Variants in HUNK observed in about 807,000 individuals in gnomAD.
The protein encoded by HUNK is hormonally up-regulated neu tumor-associated kinase.
In HUNK, 21 loss-of-function variants were observed where a neutral mutation model predicts 61.0. The ratio of observed to expected loss-of-function variants is 0.34; its 90% CI spans 0.24 to 0.50. HUNK has a LOEUF of 0.50. HUNK is among the 20% of genes least tolerant of loss of function. The probability of loss-of-function intolerance (pLI) is 0.98; values close to 1 mark genes in which losing one functional copy is unlikely to be tolerated. For missense variants in HUNK, 772 were observed against 945.7 expected (o/e 0.82, Z 2.41); for synonymous variants, 371 against 386.1 (o/e 0.96, Z 0.46).
chr21:31,928,263 A>AG (rs1433904054), intron 2 of HUNK, among the ~76,000 whole-genome samples: 4 of 152,194 alleles, frequency 2.6e-5, no homozygotes. Flanking sequence ...TGTCAAAAAG[A>AG]GGATGAGCAC....
chr21:31,948,399 G>A (rs554502487), intron 4 of HUNK, among the ~76,000 whole-genome samples: 1 of 152,276 alleles, frequency 6.6e-6, no homozygotes, highest in East Asian at 1.9e-4. Context: ...GGTTCCTCTG[G>A]GCAGCCCTCT....
intron 1 of HUNK, among the ~76,000 whole-genome samples, chr21:31,886,292 C>T (rs543450193): frequency 5.3e-5 from 8 of 152,042 alleles, no homozygotes; most frequent in Middle Eastern, 3.4e-3. Flanking sequence ...TGTGGTGGTG[C>T]ACACCTGTAA....
intron 1 of HUNK, among the ~76,000 whole-genome samples, chr21:31,918,233 T>C (rs755183679): frequency 2.6e-4 from 39 of 152,290 alleles, no homozygotes; most frequent in Admixed American, 2.0e-3. Context: ...AGCTTGTAAG[T>C]CAGGGGGTGG....
intron 3 of HUNK, among the ~76,000 whole-genome samples, chr21:31,942,657 G>T (rs1389627101): frequency 6.6e-6 from 1 of 152,126 alleles, no homozygotes; most frequent in Non-Finnish European, 1.5e-5. Flanking sequence ...AAATCTCTCA[G>T]AGTCATCACC....
chr21:31,969,183 T>G (rs2052992447), intron 6 of HUNK, among the ~76,000 whole-genome samples: 1 of 151,838 alleles, frequency 6.6e-6, no homozygotes, highest in South Asian at 2.1e-4. Context: ...GGCCAGTCCT[T>G]GTGTTGTGAG....
intron 4 of HUNK, among the ~76,000 whole-genome samples, chr21:31,951,424 T>A (rs186267159): frequency 6.6e-6 from 1 of 152,318 alleles, no homozygotes; most frequent in Admixed American, 6.5e-5. Flanking sequence ...ACAATACTCA[T>A]GTGCAACCTT....
intron 1 of HUNK, among the ~76,000 whole-genome samples, chr21:31,901,529 A>G (rs1488099518): frequency 6.6e-6 from 1 of 152,168 alleles, no homozygotes; most frequent in East Asian, 1.9e-4. Context: ...CAGGCCACAG[A>G]GATTGGCAGG....
Position 31,999,460 on chromosome 21 carries a change from T to G in HUNK, c.*276T>G. On this transcript the variant is annotated 3_prime_UTR_variant, in exon 11 of 11. Coordinates refer to ENST00000270112, the MANE Select transcript of HUNK (RefSeq NM_014586.2). ...CTCACCAACCCCTTCCACTTCCCAC[T>G]TCCCCCAGGCTTGGGGGGAAAACAG... 7.8e-5 allele frequency: 29 copies of G among 373,538 alleles called. No individual in the cohort carries two copies. The highest frequency in any genetic ancestry group is 1.4e-4 in the East Asian group (3 of 22,222). The allele number at this position is 373,538 out of a possible 1,614,324, so 23.1% of individuals were successfully genotyped here.
intron 4 of HUNK, among the ~76,000 whole-genome samples, chr21:31,949,979 T>G (rs1411970690): frequency 6.6e-6 from 1 of 152,146 alleles, no homozygotes; most frequent in Non-Finnish European, 1.5e-5. Context: ...AACTGAGGCA[T>G]GAAAGACCTC....
intron 1 of HUNK, among the ~76,000 whole-genome samples, chr21:31,920,982 T>C (rs2052618433): frequency 6.6e-6 from 1 of 151,810 alleles, no homozygotes; most frequent in South Asian, 2.1e-4. Context: ...CCAAACCCTG[T>C]CTCTACTAAA....
At chr21:31,884,602 AT>A (rs532248885) in intron 1 of HUNK, among the ~76,000 whole-genome samples, 2,797 of 145,994 alleles carry the variant, frequency 0.019, 82 homozygotes, top group African/African-American at 0.07. Context: ...CAAAAAAAAA[AT>A]AAATAAATAA....
At chr21:31,987,213 T>C (rs2053139699) in intron 8 of HUNK, among the ~76,000 whole-genome samples, 1 of 152,174 alleles carries the variant, frequency 6.6e-6, no homozygotes, top group South Asian at 2.1e-4. Flanking sequence ...CTAGCACACA[T>C]ATGACGTTAT....
At chr21:31,889,242 T>C (rs2052369847) in intron 1 of HUNK, among the ~76,000 whole-genome samples, 1 of 152,182 alleles carries the variant, frequency 6.6e-6, no homozygotes, top group Admixed American at 6.5e-5. Context: ...TCCCAAGCCA[T>C]TGCTTAGTCC....
At chr21:31,902,762 C>T (rs2052477800) in intron 1 of HUNK, among the ~76,000 whole-genome samples, 1 of 152,144 alleles carries the variant, frequency 6.6e-6, no homozygotes, top group Non-Finnish European at 1.5e-5. Flanking sequence ...TAATTTAGGC[C>T]ACTAAATGGA....
rs56278418 is a variant in HUNK at position 31,946,617 on chromosome 21, G to A, written c.746+446G>A. On this transcript the variant is annotated intron_variant, in intron 4 of 10. Coordinates refer to ENST00000270112, the MANE Select transcript of HUNK (RefSeq NM_014586.2). ...CCTCCCTTTTGTCGCTCCCACCTCT[G>A]GGCTTGTTTTTTTTTGAGGCAGAGT... Among the ~76,000 whole-genome samples, 496 of 149,564 alleles carry A rather than the reference G, an allele frequency of 3.3e-3. 1 individual carries two copies. The highest frequency in any genetic ancestry group is 6.8e-3 in the Middle Eastern group (2 of 292).
At chr21:31,874,238 G>T (rs532587813) in intron 1 of HUNK, among the ~76,000 whole-genome samples, 5 of 151,912 alleles carry the variant, frequency 3.3e-5, no homozygotes, top group Non-Finnish European at 7.4e-5. Flanking sequence ...AGCGCGGGGG[G>T]CGGGATGGGG....
intron 4 of HUNK, among the ~76,000 whole-genome samples, chr21:31,949,486 G>C (rs2052834080): frequency 6.6e-6 from 1 of 152,148 alleles, no homozygotes; most frequent in Admixed American, 6.5e-5. Flanking sequence ...TTGAGTGGAT[G>C]AATATGAATA....
intron 1 of HUNK, among the ~76,000 whole-genome samples, chr21:31,923,615 G>A (rs963506675): frequency 6.6e-6 from 1 of 150,884 alleles, no homozygotes; most frequent in African/African-American, 2.5e-5. Context: ...AAGGAAAAGG[G>A]TGAATACAAT....
At chr21:31,876,728 C>A (rs934645307) in intron 1 of HUNK, among the ~76,000 whole-genome samples, 1 of 152,088 alleles carries the variant, frequency 6.6e-6, no homozygotes, top group Non-Finnish European at 1.5e-5. Context: ...CCCAGGGAGG[C>A]CTCTCTCCCT....
Sources: allele counts gnomAD v4.1 joint callset (sites outside exome capture counted in the v4.1 genomes callset), GRCh38; gene constraint gnomAD v4.1.1; transcripts MANE v1.5; gene names NCBI Gene and HGNC (gene_info 2026-07-23, HGNC 2026-07-21).